PSMA1: variants seen among roughly 807,000 people sequenced by gnomAD.
PSMA1 encodes proteasome 20S subunit alpha 1.
In PSMA1, 3 loss-of-function variants were observed where a neutral mutation model predicts 38.4. The ratio of observed to expected loss-of-function variants is 0.08; its 90% CI spans 0.04 to 0.20. PSMA1 has a LOEUF of 0.20. PSMA1 is among the 10% of genes least tolerant of loss of function. The pLI is 1.00. For missense variants in PSMA1, 227 were observed against 325.3 expected (o/e 0.70, Z 2.32); for synonymous variants, 101 against 107.1 (o/e 0.94, Z 0.35).
At chr11:14,523,759 T>A (rs1231763137), upstream of PSMA1, among the ~76,000 whole-genome samples, 1 of 151,814 alleles carries the variant, frequency 6.6e-6, no homozygotes, top group Non-Finnish European at 1.5e-5. Context: ...AATTTTATTT[T>A]TTTTGTAGAG....
chr11:14,596,056 A>G (rs1276329005), intron 2 of PSMA1, among the ~76,000 whole-genome samples: 1 of 151,966 alleles, frequency 6.6e-6, no homozygotes, highest in Non-Finnish European at 1.5e-5. Flanking sequence ...ATGGTTGTAG[A>G]TGTGTGGTAT....
intron 1 of PSMA1, among the ~76,000 whole-genome samples, chr11:14,632,728 G>A (rs1343320125): frequency 6.8e-6 from 1 of 146,382 alleles, no homozygotes; most frequent in African/African-American, 2.5e-5. Flanking sequence ...TGCTAGATTG[G>A]GGAAGTTCTC....
intron 2 of PSMA1, among the ~76,000 whole-genome samples, chr11:14,557,927 G>C (rs1204847593): frequency 6.6e-6 from 1 of 152,096 alleles, no homozygotes; most frequent in Non-Finnish European, 1.5e-5. Flanking sequence ...GAATTGTCCA[G>C]GGTTCCATGG....
At chr11:14,595,099 G>A (rs1852469833) in intron 2 of PSMA1, among the ~76,000 whole-genome samples, 1 of 152,094 alleles carries the variant, frequency 6.6e-6, no homozygotes, top group African/African-American at 2.4e-5. Context: ...CCTTTTTTAT[G>A]GCTGCATAGT....
chr11:14,543,261 G>C (rs868797701), intron 2 of PSMA1, among the ~76,000 whole-genome samples: 1 of 152,216 alleles, frequency 6.6e-6, no homozygotes, highest in Non-Finnish European at 1.5e-5. Context: ...TACTCTGGAG[G>C]CTGAAGGGAG....
chr11:14,637,741 A>C (rs1385894759), intron 1 of PSMA1, among the ~76,000 whole-genome samples: 2 of 152,222 alleles, frequency 1.3e-5, no homozygotes, highest in Non-Finnish European at 2.9e-5. Context: ...ACATTTCTGC[A>C]TTTATAGTAA....
At chr11:14,541,615 C>G in intron 2 of PSMA1, among the ~76,000 whole-genome samples, 1 of 152,180 alleles carries the variant, frequency 6.6e-6, no homozygotes, top group East Asian at 1.9e-4. Flanking sequence ...CACTCTTTTC[C>G]CCCACATTCT....
chr11:14,507,495 C>T, intron 9 of PSMA1, 161 bp downstream of exon 9: 1 of 605,454 alleles, frequency 1.7e-6, no homozygotes, highest in South Asian at 1.9e-5. Context: ...GATCACTGCC[C>T]TTTCAATATT....
chr11:14,520,137 A>C (rs938069917), intron 1 of PSMA1, 160 bp downstream of exon 1: 7 of 1,168,082 alleles, frequency 6.0e-6, no homozygotes, highest in Non-Finnish European at 5.0e-6. Flanking sequence ...TAGCCCGGCC[A>C]GGCCGGAGAT....
chr11:14,570,894 C>G (rs535918403), intron 2 of PSMA1, among the ~76,000 whole-genome samples: 20 of 152,106 alleles, frequency 1.3e-4, no homozygotes, highest in Non-Finnish European at 2.6e-4. Context: ...CTCCAAGACA[C>G]ATAATTATCA....
chr11:14,613,402 C>G (rs978138564), intron 1 of PSMA1, among the ~76,000 whole-genome samples: 1 of 150,932 alleles, frequency 6.6e-6, no homozygotes, highest in African/African-American at 2.4e-5. Context: ...CAGGTGTGCA[C>G]CAACATGCCC....
chr11:14,516,840 C>A (rs970279195), intron 4 of PSMA1, among the ~76,000 whole-genome samples: 1 of 152,066 alleles, frequency 6.6e-6, no homozygotes, highest in Non-Finnish European at 1.5e-5. Context: ...GCAGGAGAAT[C>A]GCTTGAACCT....
chr11:14,594,355 T>A (rs138491508), intron 2 of PSMA1, among the ~76,000 whole-genome samples: 1 of 149,964 alleles, frequency 6.7e-6, no homozygotes, highest in South Asian at 2.1e-4. Context: ...GAAGTCCAAA[T>A]AGAGAGATCT....
At chr11:14,613,287 T>C (rs1432201868) in intron 1 of PSMA1, among the ~76,000 whole-genome samples, 7 of 134,518 alleles carry the variant, frequency 5.2e-5, no homozygotes, top group Non-Finnish European at 9.8e-5. Flanking sequence ...TGAGCCGAGA[T>C]GGTGCCCAGG....
At chr11:14,515,296 G>A (rs528237378) in intron 4 of PSMA1, among the ~76,000 whole-genome samples, 13 of 152,244 alleles carry the variant, frequency 8.5e-5, no homozygotes, top group Admixed American at 2.6e-4. Context: ...TTGAAAAGTA[G>A]CTAGACTGAA....
chr11:14,638,543 C>CTA (rs1853147046), intron 1 of PSMA1, among the ~76,000 whole-genome samples: 2 of 13,310 alleles, frequency 1.5e-4, no homozygotes, highest in African/African-American at 3.0e-4. Flanking sequence ...CTCTCTCTCT[C>CTA]TCTATATATA....
intron 2 of PSMA1, among the ~76,000 whole-genome samples, chr11:14,602,759 G>T (rs1057210619): frequency 2.0e-5 from 3 of 152,198 alleles, no homozygotes; most frequent in Non-Finnish European, 4.4e-5. Flanking sequence ...AGCCTGCATT[G>T]AGTACTAACT....
intron 2 of PSMA1, among the ~76,000 whole-genome samples, chr11:14,561,861 AAACTATAAAC>A (rs1852013660): frequency 6.6e-6 from 1 of 151,230 alleles, no homozygotes; most frequent in Non-Finnish European, 1.5e-5. Context: ...AAACTAAACT[AAACTATAAAC>A]TAAACGAAAT....
chr11:14,562,523 T>C (rs1852021382), intron 2 of PSMA1, among the ~76,000 whole-genome samples: 1 of 152,224 alleles, frequency 6.6e-6, no homozygotes, highest in African/African-American at 2.4e-5. Context: ...CCAAAGAGTT[T>C]TGATTATTGC....
Sources: gnomAD v4.1 joint callset for allele counts (sites outside exome capture counted in the v4.1 genomes callset) on GRCh38, gnomAD v4.1.1 for gene constraint, MANE v1.5 for transcripts, NCBI Gene and HGNC (gene_info 2026-07-23, HGNC 2026-07-21) for gene names.